PTK6: variants seen among roughly 807,000 people sequenced by gnomAD.
PTK6 encodes protein-tyrosine kinase 6.
PTK6 carries 47 observed loss-of-function variants against 47.5 expected under a neutral mutation model. The observed-to-expected ratio is 0.99, with a 90% CI of 0.78 to 1.26. The LOEUF (loss-of-function observed/expected upper bound fraction) is 1.26. Among genes scored for constraint, PTK6 ranks in the 50% most tolerant of loss-of-function variants. The pLI, the probability that PTK6 is intolerant of heterozygous loss-of-function variation, is 0.00. For synonymous variants in PTK6, 287 were observed against 276.5 expected (o/e 1.04, Z -0.38); for missense variants, 618 against 625.3 (o/e 0.99, Z 0.12).
Position 63,530,756 on chromosome 20 carries a change from C to G in PTK6, c.1004G>C (p.Arg335Thr), listed in dbSNP as rs2082611905. Reference protein sequence around the residue: ...LCKVGDFGLARLIKEDVYLSH... With the variant: ...LCKVGDFGLATLIKEDVYLSH... The stretch of plus-strand genomic sequence containing the variant: ...CTCTGAGGGCCCTACCTTGATAAGC[C>G]TGGCTAACCCGAAGTCCCCAACTTT... The change falls in exon 6 of 8, where the codon AGG (arginine) becomes ACG (threonine). Residue 335 changes from arginine (R) to threonine (T), a missense_variant. By Grantham distance (71) the Arg-to-Thr change is moderately conservative. Coordinates refer to ENST00000542869, the MANE Select transcript of PTK6 (RefSeq NM_005975.4). This position sits in a 1 kb window ranked among gnomAD's most constrained non-coding sequence, Gnocchi z 4.1. 1 of 1,613,924 alleles carries G rather than the reference C, an allele frequency of 6.2e-7. No individual in the cohort carries two copies. Among genetic ancestry groups the G allele is most frequent in the Non-Finnish European group, 8.5e-7 (1 of 1,179,938 alleles).
chr20:63,531,661 A>G (rs1037236442), intron 5 of PTK6, among the ~76,000 whole-genome samples: 5 of 151,082 alleles, frequency 3.3e-5, no homozygotes, highest in Admixed American at 6.6e-5. Flanking sequence ...GGTCTAGCCC[A>G]GCGATTTCCC....
In PTK6 at chr20:63,530,878, C is replaced by T. The variant is rs762479680; in HGVS notation, c.882G>A (p.Trp294Ter). 8 of 1,613,746 alleles carry T rather than the reference C, an allele frequency of 5.0e-6. No individual in the cohort carries two copies. In the Admixed American group the frequency reaches 1.3e-4, roughly 27 times the overall value. Reference sequence around the variant, plus strand: ...GGTAACACATGCCCTCAGCCACCTGCCAGGCGATGTCCAGCAGCTCCGAAA... The same window carrying T: ...GGTAACACATGCCCTCAGCCACCTGTCAGGCGATGTCCAGCAGCTCCGAAA... ...LPVSELLDIA[W>*]QVAEGMCYLE... is the part of the protein sequence containing the mutation. The change falls in exon 6 of 8, where the codon TGG becomes TGA. Residue 294 changes from tryptophan to a stop codon, truncating the protein, a stop_gained. Transcript: ENST00000542869. LOFTEE classifies it high-confidence loss of function. This position sits in a 1 kb window ranked among gnomAD's most constrained non-coding sequence, Gnocchi z 4.1.
At chr20:63,537,045 G>C (rs780278619) in intron 1 of PTK6, 40 bp downstream of exon 1, 1 of 1,559,824 alleles carries the variant, frequency 6.4e-7, no homozygotes, top group Non-Finnish European at 8.7e-7. Context: ...TGCCTAGAGG[G>C]TGGCCTGTGC....
At chr20:63,535,632 C>A (rs967727759) in intron 1 of PTK6, among the ~76,000 whole-genome samples, 1 of 151,934 alleles carries the variant, frequency 6.6e-6, no homozygotes, top group East Asian at 1.9e-4. Context: ...GTGTCTGACT[C>A]CCTCAGGTCA....
Position 63,532,389 on chromosome 20 carries a change from GTC to G in PTK6, c.832+135_832+136del, listed in dbSNP as rs1371942563. 9.8e-6 allele frequency: 10 copies of G among 1,015,656 alleles called. No homozygotes were observed. The African/African-American group carries it at 5.6e-4, about 57-fold the overall frequency. The allele number at this position is 1,015,656 out of a possible 1,614,324, so 62.9% of individuals were successfully genotyped here. A position where few individuals can be genotyped will look rare whatever the true frequency, so the allele number is the denominator to read the frequency against. On this transcript the variant is annotated intron_variant, in intron 5 of 7. Transcript: ENST00000542869. ...TGTGTCTCTGTGTGTCTGTGTCTGT[GTC>G]TGTGTGTGCATGTGTGTGTCTGTGT...
At position 63,529,474 on chromosome 20, in the gene PTK6, G is replaced by A. The variant is rs2082601252; in HGVS notation, c.*62C>T. The stretch of plus-strand genomic sequence containing the variant: ...GGAAGCGCGTGGGCCTTGATCCCAG[G>A]TCCAGGCCCTCTGCCCAGGCCCCTC... On this transcript the variant is annotated 3_prime_UTR_variant, in exon 8 of 8. Coordinates refer to ENST00000542869, the MANE Select transcript of PTK6 (RefSeq NM_005975.4). The surrounding 1 kb of genome is among the most constrained non-coding windows in gnomAD (Gnocchi z 5.6). 2 of 1,456,764 alleles carry A rather than the reference G, an allele frequency of 1.4e-6. No homozygotes were observed. Among genetic ancestry groups the A allele is most frequent in the East Asian group, 5.0e-5 (2 of 39,946 alleles). 90.2% of individuals were successfully genotyped at this position (1,456,764 alleles called of 1,614,324 possible). A position where few individuals can be genotyped will look rare whatever the true frequency, so the allele number is the denominator to read the frequency against.
Position 63,532,581 on chromosome 20 carries a change from G to A in PTK6, c.777C>T (p.Pro259=), listed in dbSNP as rs763988616. The A allele has an allele frequency of 1.1e-5, 18 of 1,613,894 alleles. No homozygotes were observed. The highest frequency in any genetic ancestry group is 3.3e-5 in the Admixed American group (2 of 60,000). ...ALYAVVSVGD[P]VYIITELMAK... ...CCATGAGCTCCGTGATGATGTACAC[G>A]GGGTCCCCCACGGACACCACGGCGT... The change falls in exon 5 of 8, where the codon CCC becomes CCT. Residue 259 remains proline (P), a synonymous_variant. Coordinates refer to ENST00000542869, the MANE Select transcript of PTK6 (RefSeq NM_005975.4).
Position 63,536,538 on chromosome 20 carries a change from G to T in PTK6, c.230+547C>A, listed in dbSNP as rs535613805. Among the ~76,000 whole-genome samples, 20 of 151,914 alleles carry T rather than the reference G, an allele frequency of 1.3e-4. No individual in the cohort carries two copies. The East Asian group carries it at 3.9e-3, about 30-fold the overall frequency. The stretch of plus-strand genomic sequence containing the variant: ...CGTGACCCTCCTCAGCCTGAGCTCC[G>T]GGCAGCTGTGGAAGCCAGGGCCAGG... On this transcript the variant is annotated intron_variant, in intron 1 of 7. Coordinates refer to ENST00000542869, the MANE Select transcript of PTK6 (RefSeq NM_005975.4).
Position 63,533,013 on chromosome 20 carries a change from G to A in PTK6, c.671-326C>T, listed in dbSNP as rs953811383. Among the ~76,000 whole-genome samples the A allele has an allele frequency of 5.3e-5, 8 of 152,034 alleles. No individual in the cohort carries two copies. Among genetic ancestry groups the A allele is most frequent in the Non-Finnish European group, 1.2e-4 (8 of 68,006 alleles). On this transcript the variant is annotated intron_variant, in intron 4 of 7. Transcript: ENST00000542869. This position sits in a 1 kb window ranked among gnomAD's most constrained non-coding sequence, Gnocchi z 4.0. Reference sequence around the variant, plus strand: ...CAGGGAAGTTTTACCCATTTCCAGTGATCTATTTTAATGGCTTTCCATTAC... The same window carrying A: ...CAGGGAAGTTTTACCCATTTCCAGTAATCTATTTTAATGGCTTTCCATTAC...
In PTK6 at chr20:63,528,670, C is replaced by G. The variant is rs1201035151; in HGVS notation, c.*866G>C. On this transcript the variant is annotated 3_prime_UTR_variant, in exon 8 of 8. Transcript: ENST00000542869. ...CCTCGTGATCCACCTGCCTCAGCCT[C>G]CCAAAGTGCTGGGATTACAGGCATG... The G allele has an allele frequency of 6.6e-6, 1 of 152,188 alleles. No homozygotes were observed. Among genetic ancestry groups the G allele is most frequent in the Non-Finnish European group, 1.5e-5 (1 of 68,054 alleles). 9.4% of individuals were successfully genotyped at this position (152,188 alleles called of 1,614,324 possible). A position where few individuals can be genotyped will look rare whatever the true frequency, so the allele number is the denominator to read the frequency against.
rs758577126 is a variant in PTK6 at position 63,537,043 on chromosome 20, G to A, written c.230+42C>T. 7 of 1,556,210 alleles carry A rather than the reference G, an allele frequency of 4.5e-6. No individual in the cohort carries two copies. In the African/African-American group the frequency reaches 8.2e-5, roughly 18 times the overall value. On this transcript the variant is annotated intron_variant, in intron 1 of 7. Transcript: ENST00000542869. Reference sequence around the variant, plus strand: ...GCCCTGTCCCTCCCCTGTGCCTAGAGGGTGGCCTGTGCCAAAGCTCCCAGC... The same window carrying A: ...GCCCTGTCCCTCCCCTGTGCCTAGAAGGTGGCCTGTGCCAAAGCTCCCAGC...
intron 2 of PTK6, 126 bp downstream of exon 2, chr20:63,534,812 A>G: frequency 7.5e-7 from 1 of 1,337,784 alleles, no homozygotes; most frequent in South Asian, 1.6e-5. Context: ...AGGGGATGGG[A>G]GCTCCCTGGA....
chr20:63,528,084 G>A lies in PTK6; in HGVS notation c.*1452C>T, dbSNP rs1054075531. On this transcript the variant is annotated 3_prime_UTR_variant, in exon 8 of 8. Coordinates refer to ENST00000542869, the MANE Select transcript of PTK6 (RefSeq NM_005975.4). ...TTTCTGTGGCATGCAGCATTTTAAT[G>A]TAATAACCAAAATTATGACTGATAA... is the stretch of plus-strand genomic sequence containing the variant. The A allele has an allele frequency of 6.6e-6, 1 of 152,224 alleles. No individual in the cohort carries two copies. The highest frequency in any genetic ancestry group is 2.4e-5 in the African/African-American group (1 of 41,450). The allele number at this position is 152,224 out of a possible 1,614,324, so 9.4% of individuals were successfully genotyped here.
rs1297847040 is a variant in PTK6 at position 63,530,052 on chromosome 20, C to G, written c.1168+26G>C. Reference sequence around the variant, plus strand: ...ACCTCCCCCACTCTGCCTCTCATGCCCAGTCAGGGACAGTGGGGACAGTAC... The same window carrying G: ...ACCTCCCCCACTCTGCCTCTCATGCGCAGTCAGGGACAGTGGGGACAGTAC... On this transcript the variant is annotated intron_variant, in intron 7 of 7. Coordinates refer to ENST00000542869, the MANE Select transcript of PTK6 (RefSeq NM_005975.4). This position sits in a 1 kb window ranked among gnomAD's most constrained non-coding sequence, Gnocchi z 4.1. The G allele has an allele frequency of 1.9e-6, 3 of 1,612,230 alleles. No individual in the cohort carries two copies.
intron 1 of PTK6, 137 bp from the exon 2 acceptor site, chr20:63,535,196 C>T (rs1329183642): frequency 2.4e-6 from 3 of 1,271,096 alleles, no homozygotes; most frequent in Non-Finnish European, 3.1e-6. Flanking sequence ...CACAGCTGCT[C>T]TCAGGAGCTG....
chr20:63,532,692 G>C lies in PTK6; in HGVS notation c.671-5C>G, dbSNP rs371843910. The C allele has an allele frequency of 3.7e-6, 6 of 1,612,768 alleles. No individual in the cohort carries two copies. Among genetic ancestry groups the C allele is most frequent in the South Asian group, 2.2e-5 (2 of 91,028 alleles). On this transcript the variant is annotated splice_polypyrimidine_tract_variant and splice_region_variant and intron_variant, in intron 4 of 7. Transcript: ENST00000542869. The stretch of plus-strand genomic sequence containing the variant: ...TCTGCTGGTGCAGGAGGTTGTCTGC[G>C]GGGACGGGTGGCCTCGGTGGATGCA...
Position 63,537,174 on chromosome 20 carries a change from G to T in PTK6, c.141C>A (p.Ala47=). Residue 47 remains alanine, a synonymous_variant, in exon 1 of 8, where the codon GCC becomes GCA. Coordinates refer to ENST00000542869, the MANE Select transcript of PTK6 (RefSeq NM_005975.4). ...CCCCACCCGCCTCGTCCAGCAGCGT[G>T]GCCCACCACCACTGCTCCTCCTTCC... ...VARKEEQWWW[A]TLLDEAGGAV... 8.7e-6 allele frequency: 14 copies of T among 1,612,390 alleles called. No homozygotes were observed. Among genetic ancestry groups the T allele is most frequent in the Non-Finnish European group, 1.2e-5 (14 of 1,179,840 alleles).
At position 63,534,313 on chromosome 20, in the gene PTK6, G is replaced by T. The variant is rs375933047; in HGVS notation, c.355C>A (p.Arg119=). 6.3e-7 allele frequency: 1 copy of T among 1,599,104 alleles called. No individual in the cohort carries two copies. The highest frequency in any genetic ancestry group is 1.7e-5 in the Admixed American group (1 of 58,990). ...TAGTGCCGCACAGCCTGCGTGTCCC[G>T]CACTGGGAGGGAGAGCGTGAGCTGT... is the stretch of plus-strand genomic sequence containing the variant. The part of the protein sequence containing the change: ...KPSADYVLSV[R]DTQAVRHYKI... The change falls in exon 3 of 8, where the codon CGG becomes AGG. Residue 119 remains arginine, a splice_region_variant and synonymous_variant. Coordinates refer to ENST00000542869, the MANE Select transcript of PTK6 (RefSeq NM_005975.4).
rs1396535383 is a variant in PTK6 at position 63,537,204 on chromosome 20, C to T, written c.111G>A (p.Val37=). The T allele has an allele frequency of 1.2e-6, 2 of 1,612,378 alleles. No individual in the cohort carries two copies. Among genetic ancestry groups the T allele is most frequent in the African/African-American group, 1.3e-5 (1 of 75,064 alleles). ...LSFRAGDVFH[V]ARKEEQWWWA... Reference sequence around the variant, plus strand: ...ACCACCACTGCTCCTCCTTCCTGGCCACGTGGAAGACGTCCCCCGCGCGGA... The same window carrying T: ...ACCACCACTGCTCCTCCTTCCTGGCTACGTGGAAGACGTCCCCCGCGCGGA... The change falls in exon 1 of 8, where the codon GTG becomes GTA. Residue 37 remains valine (V), a synonymous_variant. Coordinates refer to ENST00000542869, the MANE Select transcript of PTK6 (RefSeq NM_005975.4).
Sources: gnomAD v4.1 joint callset for allele counts (sites outside exome capture counted in the v4.1 genomes callset) on GRCh38, gnomAD v4.1.1 for gene constraint, Gnocchi (gnomAD v3.1) non-coding constraint, MANE v1.5 for transcripts, NCBI Gene and HGNC (gene_info 2026-07-23, HGNC 2026-07-21) for gene names.